The following INPP4B variants were observed in gnomAD, a reference collection of about 807,000 sequenced individuals.
The protein encoded by INPP4B is inositol polyphosphate-4-phosphatase type II B.
Under a neutral mutation model 122.5 loss-of-function variants are expected in INPP4B, and 55 were observed. The ratio of observed to expected loss-of-function variants is 0.45; its 90% CI spans 0.36 to 0.56. INPP4B has a LOEUF of 0.56. INPP4B is among the 20% of genes least tolerant of loss of function. The pLI, the probability that INPP4B is intolerant of heterozygous loss-of-function variation, is 0.00. For missense variants in INPP4B, 1,000 were observed against 1,097.7 expected (o/e 0.91, Z 1.26); for synonymous variants, 403 against 388.7 (o/e 1.04, Z -0.43).
At chr4:142,206,698 T>C (rs987297044) in intron 14 of INPP4B, among the ~76,000 whole-genome samples, 1 of 152,086 alleles carries the variant, frequency 6.6e-6, no homozygotes, top group African/African-American at 2.4e-5. Flanking sequence ...AAATATATAC[T>C]CTTTAAACCA....
intron 2 of INPP4B, among the ~76,000 whole-genome samples, chr4:142,515,399 T>C (rs1560744757): frequency 1.3e-5 from 2 of 152,202 alleles, no homozygotes; most frequent in African/African-American, 4.8e-5. Context: ...TTAAATTCTC[T>C]CTGGTGTTTC....
At chr4:142,747,959 C>G (rs545513565) in intron 1 of INPP4B, among the ~76,000 whole-genome samples, 14 of 152,072 alleles carry the variant, frequency 9.2e-5, no homozygotes, top group African/African-American at 3.1e-4. Context: ...CACCATGGCA[C>G]GTGTATACCT....
chr4:142,489,832 A>T (rs1007420082), intron 2 of INPP4B, among the ~76,000 whole-genome samples: 6 of 152,216 alleles, frequency 3.9e-5, no homozygotes, highest in Non-Finnish European at 8.8e-5. Context: ...ATTCAAATGT[A>T]GAATAGTTAT....
intron 2 of INPP4B, among the ~76,000 whole-genome samples, chr4:142,601,116 T>C (rs1383343596): frequency 6.6e-6 from 1 of 152,162 alleles, no homozygotes; most frequent in Admixed American, 6.5e-5. Flanking sequence ...TTCCACATCA[T>C]ACTTTCAGCA....
At chr4:142,293,477 T>C (rs1757304944) in intron 9 of INPP4B, among the ~76,000 whole-genome samples, 1 of 152,178 alleles carries the variant, frequency 6.6e-6, no homozygotes, top group Non-Finnish European at 1.5e-5. Context: ...TAAAACAACA[T>C]AAACTTGCCT....
intron 2 of INPP4B, among the ~76,000 whole-genome samples, chr4:142,642,094 G>T (rs902470221): frequency 6.6e-6 from 1 of 152,044 alleles, no homozygotes; most frequent in Non-Finnish European, 1.5e-5. Flanking sequence ...CATATCCTTC[G>T]CCCACTTGTT....
At chr4:142,433,751 G>A (rs1046874338) in intron 3 of INPP4B, among the ~76,000 whole-genome samples, 48 of 152,274 alleles carry the variant, frequency 3.2e-4, no homozygotes, top group African/African-American at 1.0e-3. Context: ...TAGCATCTTC[G>A]TGTCAAGATA....
rs531816964 is a variant in INPP4B, at chr4:142,714,158, T to C, written c.-191+11681A>G. ...ATATAAAATTCAGCATTTTCCAAAA[T>C]TACCTAATGAGAGGACTTTCTTAAA... On this transcript the variant is annotated intron_variant, in intron 2 of 25. Transcript: ENST00000262992. 8.5e-5 allele frequency among the ~76,000 whole-genome samples: 13 copies of C among 152,330 alleles called. No individual in the cohort carries two copies. In the East Asian group the frequency reaches 2.5e-3, roughly 29 times the overall value.
chr4:142,537,989 AATACC>A (rs1301945027), intron 2 of INPP4B, among the ~76,000 whole-genome samples: 11 of 152,104 alleles, frequency 7.2e-5, no homozygotes, highest in Non-Finnish European at 1.3e-4. Context: ...TATCATTTTT[AATACC>A]TTAACTTTAA....
chr4:142,741,781 G>A (rs1395420516), intron 1 of INPP4B, among the ~76,000 whole-genome samples: 1 of 151,842 alleles, frequency 6.6e-6, no homozygotes, highest in Non-Finnish European at 1.5e-5. Flanking sequence ...AAAATAGGAA[G>A]TTCTAATTTG....
chr4:142,673,112 C>T (rs1757235044), intron 2 of INPP4B, among the ~76,000 whole-genome samples: 1 of 152,116 alleles, frequency 6.6e-6, no homozygotes, highest in South Asian at 2.1e-4. Flanking sequence ...TTTACCTAGA[C>T]CACACTCACT....
intron 2 of INPP4B, among the ~76,000 whole-genome samples, chr4:142,509,024 A>C (rs191734168): frequency 6.6e-6 from 1 of 152,340 alleles, no homozygotes; most frequent in Admixed American, 6.5e-5. Flanking sequence ...GCCCACACCA[A>C]AACACAACAA....
At chr4:142,174,555 A>G (rs1349740055) in intron 15 of INPP4B, among the ~76,000 whole-genome samples, 18 of 152,094 alleles carry the variant, frequency 1.2e-4, no homozygotes, top group Admixed American at 1.2e-3. Context: ...TTATCACGAC[A>G]CTTTTTCTTC....
At chr4:142,659,264 G>A (rs1004610642) in intron 2 of INPP4B, among the ~76,000 whole-genome samples, 3 of 151,866 alleles carry the variant, frequency 2.0e-5, no homozygotes, top group African/African-American at 7.3e-5. Context: ...AAATTAGCCA[G>A]GCGTGGTGGC....
chr4:142,082,065 C>A lies in INPP4B; in HGVS notation c.2608G>T (p.Asp870Tyr). The change falls in exon 25 of 26, where the codon GAC (aspartate) becomes TAC (tyrosine). Residue 870 changes from aspartate to tyrosine, a missense_variant. By Grantham distance (160) the Asp-to-Tyr change is radical. Transcript: ENST00000262992. ...ILRDEHQLHK[D>Y]FFIRALDCMR... ...CAATCCAGCGCTCGGATAAAGAAGTCCTTGTGTAACTGGTGCTCATCTCTC... is the reference window on the plus strand; with the variant it reads ...CAATCCAGCGCTCGGATAAAGAAGTACTTGTGTAACTGGTGCTCATCTCTC... The A allele has an allele frequency of 6.8e-7, 1 of 1,477,948 alleles. No homozygotes were observed. The highest frequency in any genetic ancestry group is 1.5e-5 in the South Asian group (1 of 66,812). The allele number at this position is 1,477,948 out of a possible 1,614,324, so 91.6% of individuals were successfully genotyped here. A position where few individuals can be genotyped will look rare whatever the true frequency, so the allele number is the denominator to read the frequency against.
chr4:142,318,328 G>A (rs1236380055), intron 7 of INPP4B, among the ~76,000 whole-genome samples: 1 of 152,040 alleles, frequency 6.6e-6, no homozygotes, highest in Non-Finnish European at 1.5e-5. Flanking sequence ...GAGAGAGAAG[G>A]AGGAATATGT....
chr4:142,838,498 A>C (rs1265626305), intron 1 of INPP4B, among the ~76,000 whole-genome samples: 1 of 152,182 alleles, frequency 6.6e-6, no homozygotes. Context: ...TATGAATAGC[A>C]TGAATAAATT....
At chr4:142,808,739 CT>C (rs1219758724) in intron 1 of INPP4B, among the ~76,000 whole-genome samples, 2 of 151,954 alleles carry the variant, frequency 1.3e-5, no homozygotes, top group Non-Finnish European at 2.9e-5. Flanking sequence ...AAGAAATAAC[CT>C]TTTCAGAATG....
intron 1 of INPP4B, among the ~76,000 whole-genome samples, chr4:142,738,522 G>A (rs956525824): frequency 1.3e-5 from 2 of 152,086 alleles, no homozygotes; most frequent in South Asian, 2.1e-4. Flanking sequence ...TGACGAGTTA[G>A]TGGGTGCAGC....
Sources: allele counts gnomAD v4.1 joint callset (sites outside exome capture counted in the v4.1 genomes callset), GRCh38; gene constraint gnomAD v4.1.1; transcripts MANE v1.5; gene names NCBI Gene and HGNC (gene_info 2026-07-23, HGNC 2026-07-21).